The following RBFOX3 variants were observed in gnomAD, a reference collection of about 807,000 sequenced individuals.
The protein encoded by RBFOX3 is RNA binding fox-1 homolog 3, also known as RNA binding protein fox-1 homolog 3.
A neutral mutation model predicts 48.7 loss-of-function variants in RBFOX3; 17 were observed. That is an observed-to-expected ratio of 0.35 (90% CI 0.24 to 0.52). The LOEUF (loss-of-function observed/expected upper bound fraction) is 0.52. Ranked by LOEUF, RBFOX3 falls within the 20% of genes least tolerant of loss-of-function variation. The pLI is 0.94. For missense variants in RBFOX3, 382 were observed against 497.5 expected (o/e 0.77, Z 2.21); for synonymous variants, 212 against 209.5 (o/e 1.01, Z -0.10).
chr17:79,217,928 T>G, intron 4 of RBFOX3, among the ~76,000 whole-genome samples: 1 of 150,152 alleles, frequency 6.7e-6, no homozygotes, highest in African/African-American at 2.5e-5. Context: ...GAGGGCAGGG[T>G]GGGGAGAAGT....
At chr17:79,352,370 C>T (rs557931046) in intron 2 of RBFOX3, among the ~76,000 whole-genome samples, 3 of 152,342 alleles carry the variant, frequency 2.0e-5, no homozygotes, top group African/African-American at 7.2e-5. Context: ...TCTTTGTCTT[C>T]TGCCATGATT....
chr17:79,345,202 T>C lies in RBFOX3; in HGVS notation c.-174-37378A>G, dbSNP rs1456471859. On this transcript the variant is annotated intron_variant, in intron 2 of 14. Coordinates refer to ENST00000693108, the MANE Select transcript of RBFOX3 (RefSeq NM_001350451.2). Reference sequence around the variant, plus strand: ...TTCTCCACCTGTTTGTTTTGGTTTGTTTTGTTTGAAGAATTGATCCATTTT... The same window carrying C: ...TTCTCCACCTGTTTGTTTTGGTTTGCTTTGTTTGAAGAATTGATCCATTTT... Among the ~76,000 whole-genome samples, 3 of 152,208 alleles carry C rather than the reference T, an allele frequency of 2.0e-5. No homozygotes were observed. In the South Asian group the frequency reaches 6.2e-4, roughly 32 times the overall value.
At chr17:79,376,179 G>A (rs1042954613) in intron 2 of RBFOX3, among the ~76,000 whole-genome samples, 4 of 152,148 alleles carry the variant, frequency 2.6e-5, no homozygotes, top group Non-Finnish European at 4.4e-5. Flanking sequence ...CAGCCCCTGG[G>A]CGAGGAGACT....
intron 3 of RBFOX3, among the ~76,000 whole-genome samples, chr17:79,300,051 T>C (rs1271654563): frequency 6.6e-6 from 1 of 152,150 alleles, no homozygotes; most frequent in African/African-American, 2.4e-5. Flanking sequence ...CTTACAGGCA[T>C]CTGCCAGCAC....
chr17:79,400,440 T>C (rs2062648013), intron 2 of RBFOX3, among the ~76,000 whole-genome samples: 1 of 152,200 alleles, frequency 6.6e-6, no homozygotes, highest in South Asian at 2.1e-4. Flanking sequence ...CTGGTCATGG[T>C]GGGTTAGGGC....
intron 2 of RBFOX3, among the ~76,000 whole-genome samples, chr17:79,415,138 G>A (rs778517687): frequency 2.0e-5 from 3 of 152,192 alleles, no homozygotes; most frequent in Non-Finnish European, 4.4e-5. Flanking sequence ...GACCACTTGG[G>A]GGTGCAATCT....
rs1263244258 is a variant in RBFOX3 at position 79,375,387 on chromosome 17, ACACACACACACACG to A, written c.-174-67577_-174-67564del. Among the ~76,000 whole-genome samples, 14 of 151,686 alleles carry A rather than the reference ACACACACACACACG, an allele frequency of 9.2e-5. No homozygotes were observed. In the South Asian group the frequency reaches 1.9e-3, roughly 20 times the overall value. Reference sequence around the variant, plus strand: ...CACACACACACACACACACACACACACACACACACACACGAAGCTCTTCAGTGCTGGGGATGTTG... The same window carrying A: ...CACACACACACACACACACACACACAAAGCTCTTCAGTGCTGGGGATGTTG... On this transcript the variant is annotated intron_variant, in intron 2 of 14. Transcript: ENST00000693108.
intron 4 of RBFOX3, among the ~76,000 whole-genome samples, chr17:79,207,780 G>A (rs1410682000): frequency 6.6e-6 from 1 of 152,136 alleles, no homozygotes; most frequent in East Asian, 1.9e-4. Context: ...GCACACCAGG[G>A]CACCTCCAGG....
rs1260119464 is a variant in RBFOX3, at chr17:79,421,068, G to A, written c.-175+61386C>T. On this transcript the variant is annotated intron_variant, in intron 2 of 14. Coordinates refer to ENST00000693108, the MANE Select transcript of RBFOX3 (RefSeq NM_001350451.2). The surrounding 1 kb of genome is among the most constrained non-coding windows in gnomAD (Gnocchi z 4.5). ...CTGGGTGAGCCTCCCCAGGTGGGTC[G>A]AGGGCCTTCCCTGCTGGGTGAGCCT... Among the ~76,000 whole-genome samples the A allele has an allele frequency of 2.0e-5, 3 of 151,724 alleles. No homozygotes were observed. The highest frequency in any genetic ancestry group is 4.8e-5 in the African/African-American group (2 of 41,316).
chr17:79,484,959 A>C (rs35289057), intron 1 of RBFOX3, among the ~76,000 whole-genome samples: 70,211 of 151,990 alleles, frequency 0.46, 17,042 homozygotes, highest in South Asian at 0.58. Flanking sequence ...AATAGGATAC[A>C]CTTCTGGTCC....
In RBFOX3 at chr17:79,096,789, C is replaced by T. The variant is rs751423357; in HGVS notation, c.800G>A (p.Gly267Glu). Residue 267 changes from glycine to glutamate, a missense_variant, in exon 12 of 15, where the codon GGG becomes GAG. Physicochemically the swap from Gly to Glu is moderately conservative, Grantham distance 98 (BLOSUM62 -2). This residue lies in a region of RBFOX3 where 215 missense variants were observed against 254.8 expected (regional missense o/e 0.84). Coordinates refer to ENST00000693108, the MANE Select transcript of RBFOX3 (RefSeq NM_001350451.2). Reference protein sequence around the residue: ...TLVKMPVPWAGLAPCPLPPQQ... With the variant: ...TLVKMPVPWAELAPCPLPPQQ... Reference sequence around the variant, plus strand: ...AGGAGGGAGGGGGCACGGTGCCAGCCCCGCCCATGGGACTGGCATTTTAAC... The same window carrying T: ...AGGAGGGAGGGGGCACGGTGCCAGCTCCGCCCATGGGACTGGCATTTTAAC... 1.1e-5 allele frequency: 12 copies of T among 1,095,450 alleles called. No homozygotes were observed. Among genetic ancestry groups the T allele is most frequent in the South Asian group, 4.0e-5 (3 of 74,810 alleles). The allele number at this position is 1,095,450 out of a possible 1,614,324, so 67.9% of individuals were successfully genotyped here.
chr17:79,366,309 G>C (rs1305959847), intron 2 of RBFOX3, among the ~76,000 whole-genome samples: 2 of 152,220 alleles, frequency 1.3e-5, no homozygotes, highest in African/African-American at 4.8e-5. Context: ...GAACAGCAGA[G>C]CCCAGCCAGT....
intron 2 of RBFOX3, among the ~76,000 whole-genome samples, chr17:79,435,401 G>A (rs1555730541): frequency 6.6e-6 from 1 of 152,212 alleles, no homozygotes. Flanking sequence ...TCCACAGGCT[G>A]CCAGAGCTGA....
intron 4 of RBFOX3, among the ~76,000 whole-genome samples, chr17:79,229,430 A>G (rs2060735859): frequency 6.6e-6 from 1 of 151,516 alleles, no homozygotes. Context: ...GTGGTGGTGC[A>G]CATCTGCAAT....
chr17:79,626,229 C>T, the RBFOX3 span, among the ~76,000 whole-genome samples: 164 of 152,268 alleles, frequency 1.1e-3, no homozygotes, highest in Non-Finnish European at 1.3e-3. Flanking sequence ...GACTCATCCT[C>T]CAAAAGTTAG....
intron 1 of RBFOX3, among the ~76,000 whole-genome samples, chr17:79,534,654 C>G (rs1555788282): frequency 6.6e-6 from 1 of 152,148 alleles, no homozygotes; most frequent in African/African-American, 2.4e-5. Context: ...GGGGTAGAAC[C>G]AATGATGAAT....
intron 2 of RBFOX3, among the ~76,000 whole-genome samples, chr17:79,419,039 G>A (rs1420248080): frequency 2.6e-5 from 4 of 152,308 alleles, no homozygotes; most frequent in Admixed American, 1.3e-4. Context: ...GAGGAAGCGT[G>A]GCATCCTGAG....
intron 3 of RBFOX3, among the ~76,000 whole-genome samples, chr17:79,245,792 T>C (rs2063089748): frequency 6.6e-6 from 1 of 152,088 alleles, no homozygotes; most frequent in Non-Finnish European, 1.5e-5. Context: ...CATGACTGGC[T>C]AATTTTTGTA....
intron 4 of RBFOX3, among the ~76,000 whole-genome samples, chr17:79,124,063 T>G (rs1046247197): frequency 2.1e-4 from 32 of 152,254 alleles, no homozygotes; most frequent in Admixed American, 2.0e-3. Context: ...GCAAGATGAG[T>G]TGGCATGGAG....
Sources: allele counts gnomAD v4.1 joint callset (sites outside exome capture counted in the v4.1 genomes callset), GRCh38; gene constraint gnomAD v4.1.1; regional missense constraint gnomAD v4.1.1; non-coding constraint Gnocchi (gnomAD v3.1); transcripts MANE v1.5; gene names NCBI Gene and HGNC (gene_info 2026-07-23, HGNC 2026-07-21).